Variants in MAGI2 observed in about 807,000 individuals in gnomAD.
MAGI2 encodes membrane-associated guanylate kinase, WW and PDZ domain-containing protein 2.
In MAGI2, 35 loss-of-function variants were observed where a neutral mutation model predicts 133.3. The ratio of observed to expected loss-of-function variants is 0.26; its 90% CI spans 0.20 to 0.35. The LOEUF (loss-of-function observed/expected upper bound fraction) is 0.35, where lower values mean the gene tolerates loss of function less well. MAGI2 is among the 10% of genes least tolerant of loss of function. The probability of loss-of-function intolerance (pLI) is 1.00; values close to 1 mark genes in which losing one functional copy is unlikely to be tolerated. For synonymous variants in MAGI2, 729 were observed against 710.6 expected (o/e 1.03, Z -0.41); for missense variants, 1,636 against 1,863.4 (o/e 0.88, Z 2.25).
chr7:78,224,810 A>G (rs1177918905), intron 10 of MAGI2, among the ~76,000 whole-genome samples: 6 of 151,844 alleles, frequency 4.0e-5, no homozygotes, highest in Non-Finnish European at 5.9e-5. Context: ...CATTCCCACC[A>G]AGGAAAAGCC....
chr7:79,068,109 G>C (rs1183333641), intron 1 of MAGI2, among the ~76,000 whole-genome samples: 2 of 152,148 alleles, frequency 1.3e-5, no homozygotes, highest in African/African-American at 4.8e-5. Flanking sequence ...TCAGGATGAT[G>C]CTGGCCTCAT....
intron 1 of MAGI2, among the ~76,000 whole-genome samples, chr7:79,239,343 G>A (rs901368025): frequency 3.9e-5 from 6 of 152,022 alleles, no homozygotes; most frequent in African/African-American, 1.4e-4. Flanking sequence ...CGACCTCATA[G>A]TTCACTATTA....
At chr7:78,945,215 C>CCA (rs1469063157) in intron 2 of MAGI2, among the ~76,000 whole-genome samples, 1 of 151,584 alleles carries the variant, frequency 6.6e-6, no homozygotes, top group Non-Finnish European at 1.5e-5. Context: ...GCGTGCATCC[C>CCA]CACACCCAGC....
chr7:78,019,015 T>TC lies in MAGI2; in HGVS notation c.*299dup, dbSNP rs1808013238. 1 of 401,352 alleles carries TC rather than the reference T, an allele frequency of 2.5e-6. No individual in the cohort carries two copies. Among genetic ancestry groups the TC allele is most frequent in the Admixed American group, 4.4e-5 (1 of 22,684 alleles). The allele number at this position is 401,352 out of a possible 1,614,324, so 24.9% of individuals were successfully genotyped here. A position where few individuals can be genotyped will look rare whatever the true frequency, so the allele number is the denominator to read the frequency against. On this transcript the variant is annotated 3_prime_UTR_variant, in exon 22 of 22. Coordinates refer to ENST00000354212, the MANE Select transcript of MAGI2 (RefSeq NM_012301.4). The stretch of plus-strand genomic sequence containing the variant: ...TGCAGTGGGGAGGAATATTTTTTTT[T>TC]CTTAAACTAAAGCTACACTGCACTG...
chr7:78,073,680 G>C (rs182408316), intron 21 of MAGI2, among the ~76,000 whole-genome samples: 202 of 152,326 alleles, frequency 1.3e-3, no homozygotes, highest in Non-Finnish European at 2.4e-3. Context: ...TGGCTCAGTT[G>C]ATAAATCAAG....
At chr7:78,328,534 T>C (rs867832867) in intron 9 of MAGI2, among the ~76,000 whole-genome samples, 18 of 17,674 alleles carry the variant, frequency 1.0e-3, no homozygotes, top group East Asian at 3.1e-3. Flanking sequence ...CACACACCCC[T>C]CTCTCTCTCT....
intron 18 of MAGI2, among the ~76,000 whole-genome samples, chr7:78,130,757 T>C (rs1438788191): frequency 2.0e-5 from 3 of 152,206 alleles, no homozygotes; most frequent in Non-Finnish European, 4.4e-5. Flanking sequence ...CAAAATACCT[T>C]AGAACTCTGG....
chr7:78,695,473 T>C (rs911628284), intron 2 of MAGI2, among the ~76,000 whole-genome samples: 1 of 152,110 alleles, frequency 6.6e-6, no homozygotes, highest in Non-Finnish European at 1.5e-5. Flanking sequence ...ATTTCAAATA[T>C]CCAGTGGCAG....
At chr7:78,565,475 A>G (rs1043763405) in intron 3 of MAGI2, among the ~76,000 whole-genome samples, 1 of 120,670 alleles carries the variant, frequency 8.3e-6, no homozygotes, top group Non-Finnish European at 1.6e-5. Flanking sequence ...CTAAAACGCT[A>G]AAAAAAAAAA....
At chr7:78,145,037 A>G (rs116718802) in intron 16 of MAGI2, among the ~76,000 whole-genome samples, 3,005 of 152,238 alleles carry the variant, frequency 0.02, 100 homozygotes, top group African/African-American at 0.069. Flanking sequence ...CATATCCTAC[A>G]GCAGCTTTCT....
chr7:78,228,777 G>A (rs999673562), intron 10 of MAGI2, among the ~76,000 whole-genome samples: 3 of 152,192 alleles, frequency 2.0e-5, no homozygotes, highest in East Asian at 3.8e-4. Context: ...AGACTAAAAT[G>A]TAAATAAGAA....
At chr7:78,463,784 C>G (rs75332595) in intron 6 of MAGI2, among the ~76,000 whole-genome samples, 2,271 of 152,178 alleles carry the variant, frequency 0.015, 49 homozygotes, top group African/African-American at 0.049. Flanking sequence ...ACTATGCATA[C>G]TAAGTAGTGT....
Position 78,195,010 on chromosome 7 carries a change from C to A in MAGI2, c.2133G>T (p.Pro711=). 1.2e-6 allele frequency: 2 copies of A among 1,613,812 alleles called. No individual in the cohort carries two copies. The highest frequency in any genetic ancestry group is 1.7e-6 in the Non-Finnish European group (2 of 1,179,874). ...GGAAGGGCAGGTTCTGCGGTATGGC[C>A]GGAGCAGATAAACTCGTTTGAGGAC... ...QGSPQTSLSA[P]AIPQNLPFPP... The change falls in exon 12 of 22, where the codon CCG becomes CCT. Residue 711 remains proline, a synonymous_variant. Coordinates refer to ENST00000354212, the MANE Select transcript of MAGI2 (RefSeq NM_012301.4).
At chr7:79,401,338 AT>A (rs1260445214) in intron 1 of MAGI2, among the ~76,000 whole-genome samples, 2 of 152,192 alleles carry the variant, frequency 1.3e-5, no homozygotes, top group Admixed American at 1.3e-4. Flanking sequence ...AGCAAAATTT[AT>A]TGAATAAATA....
chr7:78,491,137 T>C (rs1793565842), intron 5 of MAGI2, among the ~76,000 whole-genome samples: 1 of 152,128 alleles, frequency 6.6e-6, no homozygotes, highest in Non-Finnish European at 1.5e-5. Context: ...TAAACCAATC[T>C]GTACTTACAA....
At chr7:78,230,680 T>C (rs1401554219) in intron 10 of MAGI2, among the ~76,000 whole-genome samples, 1 of 152,196 alleles carries the variant, frequency 6.6e-6, no homozygotes, top group African/African-American at 2.4e-5. Flanking sequence ...TAATTAATTC[T>C]TCTGAGGAAA....
Position 78,069,539 on chromosome 7 carries a change from GGAGAGA to G in MAGI2, c.3706+9402_3706+9407del, listed in dbSNP as rs3840607. Among the ~76,000 whole-genome samples, 348 of 134,648 alleles carry G rather than the reference GGAGAGA, an allele frequency of 2.6e-3. 1 individual carries two copies. The highest frequency in any genetic ancestry group is 3.6e-3 in the Non-Finnish European group (229 of 62,888). 88.3% of individuals were successfully genotyped at this position (134,648 alleles called of 152,430 possible). ...AGAGAGAGATTGAAAGAAAGAGAGA[GGAGAGA>G]GAGAGAGAGAGAGAGAGAGAGAGAG... On this transcript the variant is annotated intron_variant, in intron 21 of 21. Coordinates refer to ENST00000354212, the MANE Select transcript of MAGI2 (RefSeq NM_012301.4).
At chr7:78,712,190 A>G (rs1408047946) in intron 2 of MAGI2, among the ~76,000 whole-genome samples, 1 of 152,206 alleles carries the variant, frequency 6.6e-6, no homozygotes, top group Non-Finnish European at 1.5e-5. Flanking sequence ...TCTATGAACC[A>G]AGTTCCTACT....
At chr7:79,363,354 G>A (rs1427630297) in intron 1 of MAGI2, among the ~76,000 whole-genome samples, 4 of 108,130 alleles carry the variant, frequency 3.7e-5, no homozygotes, top group Admixed American at 8.1e-5. Flanking sequence ...GATTTAAAGA[G>A]AGAGACATAC....
Sources: gnomAD v4.1 joint callset for allele counts (sites outside exome capture counted in the v4.1 genomes callset) on GRCh38, gnomAD v4.1.1 for gene constraint, MANE v1.5 for transcripts, NCBI Gene and HGNC (gene_info 2026-07-23, HGNC 2026-07-21) for gene names.